FBLN1: variants seen among roughly 807,000 people sequenced by gnomAD.
FBLN1 encodes fibulin-1.
Under a neutral mutation model 89.7 loss-of-function variants are expected in FBLN1, and 34 were observed. That is an observed-to-expected ratio of 0.38 (90% confidence interval 0.29 to 0.50). The LOEUF is 0.50. Among genes scored for constraint, FBLN1 ranks in the 20% least tolerant of loss-of-function variants. The pLI, the probability that FBLN1 is intolerant of heterozygous loss-of-function variation, is 0.92. For synonymous variants in FBLN1, 393 were observed against 391.3 expected (o/e 1.00, Z -0.05); for missense variants, 777 against 988.1 (o/e 0.79, Z 2.86).
intron 1 of FBLN1, among the ~76,000 whole-genome samples, chr22:45,507,720 G>A (rs2088041696): frequency 6.6e-6 from 1 of 152,110 alleles, no homozygotes; most frequent in African/African-American, 2.4e-5. Context: ...TAGAGATGTA[G>A]TTTCACCATG....
At chr22:45,600,183 A>G in intron 16 of FBLN1, 124 bp from the exon 17 acceptor site, 1 of 1,139,790 alleles carries the variant, frequency 8.8e-7, no homozygotes, top group Non-Finnish European at 1.3e-6. Context: ...CTGGCGTAGG[A>G]TGGGACTCCA....
chr22:45,505,178 G>C (rs1355956515), intron 1 of FBLN1, among the ~76,000 whole-genome samples: 1 of 152,264 alleles, frequency 6.6e-6, no homozygotes, highest in African/African-American at 2.4e-5. Flanking sequence ...GGGCTTTACT[G>C]AGAGCTGGGT....
chr22:45,572,706 C>A lies in FBLN1; in HGVS notation c.1698-1805C>A, dbSNP rs2088961469. On this transcript the variant is annotated intron_variant, in intron 14 of 16. Transcript: ENST00000327858. The surrounding 1 kb of genome is among the most constrained non-coding windows in gnomAD (Gnocchi z 5.8). ...GTAGATGCTGTCCTCACAGAGACAG[C>A]CAGTCACTGTGTGGCTCTCACTGAA... Among the ~76,000 whole-genome samples, 1 of 152,222 alleles carries A rather than the reference C, an allele frequency of 6.6e-6. No individual in the cohort carries two copies.
rs906531885 is a variant in FBLN1, at chr22:45,579,519, G to C, written c.1972+2411G>C. 1.3e-5 allele frequency among the ~76,000 whole-genome samples: 2 copies of C among 152,254 alleles called. No homozygotes were observed. The highest frequency in any genetic ancestry group is 2.9e-5 in the Non-Finnish European group (2 of 68,042). On this transcript the variant is annotated intron_variant, in intron 16 of 16. Coordinates refer to ENST00000327858, the MANE Select transcript of FBLN1 (RefSeq NM_006486.3). The surrounding 1 kb of genome is among the most constrained non-coding windows in gnomAD (Gnocchi z 5.5). ...CTTTGGAATTCTGGGCTGGGGCTGC[G>C]TGGGGGAGGGCCCCAGCCTGGCCCT...
Position 45,577,233 on chromosome 22 carries a change from GC to G in FBLN1, c.1972+128del. The G allele has an allele frequency of 9.0e-7, 1 of 1,113,768 alleles. No individual in the cohort carries two copies. The highest frequency in any genetic ancestry group is 1.3e-6 in the Non-Finnish European group (1 of 758,354). 69.0% of individuals were successfully genotyped at this position (1,113,768 alleles called of 1,614,324 possible). On this transcript the variant is annotated intron_variant, in intron 16 of 16. Coordinates refer to ENST00000327858, the MANE Select transcript of FBLN1 (RefSeq NM_006486.3). The surrounding 1 kb of genome is among the most constrained non-coding windows in gnomAD (Gnocchi z 6.6). ...AATTCAAGCCCACCCAACCTTCAGG[GC>G]CCAGCGCCGAGGCCACCACAGCTCC...
chr22:45,565,008 T>C, intron 14 of FBLN1: 1 of 1,613,358 alleles, frequency 6.2e-7, no homozygotes, highest in South Asian at 1.1e-5. Context: ...AAGATGGACC[T>C]GGACAGACAG....
chr22:45,547,356 G>A (rs942106591), intron 12 of FBLN1, 152 bp downstream of exon 12: 16 of 925,582 alleles, frequency 1.7e-5, no homozygotes, highest in South Asian at 4.4e-5. Context: ...GGAGGCAAGC[G>A]GGTGGTTTGC....
intron 9 of FBLN1, 99 bp downstream of exon 9, chr22:45,541,471 G>T: frequency 6.8e-7 from 1 of 1,477,628 alleles, no homozygotes. Context: ...CCAAAGCAAA[G>T]CCATTTCTAT....
intron 14 of FBLN1, among the ~76,000 whole-genome samples, chr22:45,554,123 CGTCT>C (rs1438204668): frequency 6.6e-5 from 10 of 152,238 alleles, no homozygotes; most frequent in Non-Finnish European, 1.2e-4. Flanking sequence ...CCTCAATGGG[CGTCT>C]GTCTTCCAGC....
intron 16 of FBLN1, among the ~76,000 whole-genome samples, chr22:45,592,768 T>C (rs2089149850): frequency 6.6e-6 from 1 of 152,240 alleles, no homozygotes; most frequent in Non-Finnish European, 1.5e-5. Context: ...GTGCTTGTGA[T>C]GGGCAAGCCT....
In FBLN1 at chr22:45,566,533, C is replaced by T. The variant is rs114059888; in HGVS notation, c.1698-7978C>T. On this transcript the variant is annotated intron_variant, in intron 14 of 16. Transcript: ENST00000327858. ...TAAGAGCAGGAGGTTGAATTTCCTT[C>T]TTGCCATTTACTAGTTCTGTGACCC... Among the ~76,000 whole-genome samples, 931 of 152,338 alleles carry T rather than the reference C, an allele frequency of 6.1e-3. 10 individuals carry two copies. Among genetic ancestry groups the T allele is most frequent in the African/African-American group, 0.021 (867 of 41,582 alleles).
chr22:45,531,284 G>A lies in FBLN1; in HGVS notation c.504G>A (p.Glu168=). ...LQETDKIIEV[E]EEQEDPYLND... The stretch of plus-strand genomic sequence containing the variant: ...CCTTAGATAAGATCATTGAGGTTGA[G>A]GAGGAACAAGAGGACCCATATCTGA... The change falls in exon 5 of 17, where the codon GAG becomes GAA. Residue 168 remains glutamate, a synonymous_variant. Coordinates refer to ENST00000327858, the MANE Select transcript of FBLN1 (RefSeq NM_006486.3). The surrounding 1 kb of genome is among the most constrained non-coding windows in gnomAD (Gnocchi z 4.9). 1.2e-6 allele frequency: 2 copies of A among 1,614,018 alleles called. No homozygotes were observed. The highest frequency in any genetic ancestry group is 1.7e-6 in the Non-Finnish European group (2 of 1,179,918).
Position 45,542,353 on chromosome 22 carries a change from C to A in FBLN1, c.1195+70C>A, listed in dbSNP as rs544219446. 5.7e-6 allele frequency: 9 copies of A among 1,590,148 alleles called. No individual in the cohort carries two copies. The South Asian group carries it at 6.6e-5, about 12-fold the overall frequency. ...GCACCAGGGACACATTTCTGTGGCA[C>A]CTCGAGTGATGTGGTCTGATCCTCA... On this transcript the variant is annotated intron_variant, in intron 10 of 16. Transcript: ENST00000327858.
intron 16 of FBLN1, among the ~76,000 whole-genome samples, chr22:45,586,616 A>G (rs2089088348): frequency 6.6e-6 from 1 of 152,140 alleles, no homozygotes; most frequent in Admixed American, 6.5e-5. Context: ...GCATCTGAAA[A>G]TTTCCATCTC....
In FBLN1 at chr22:45,533,899, G is replaced by A. The variant is rs113737102; in HGVS notation, c.784+1G>A. 1 of 1,613,990 alleles carries A rather than the reference G, an allele frequency of 6.2e-7. No individual in the cohort carries two copies. The highest frequency in any genetic ancestry group is 8.5e-7 in the Non-Finnish European group (1 of 1,179,984). On this transcript the variant is annotated splice_donor_variant, in intron 7 of 16. Coordinates refer to ENST00000327858, the MANE Select transcript of FBLN1 (RefSeq NM_006486.3). LOFTEE classifies it high-confidence loss of function. ...CTCACAGAGGACAATAGCTGCAAAGGTACAGCATGCGCTCCGAGTCTGCAA... is the reference window on the plus strand; with the variant it reads ...CTCACAGAGGACAATAGCTGCAAAGATACAGCATGCGCTCCGAGTCTGCAA...
chr22:45,548,845 A>AG (rs1377835825), intron 13 of FBLN1, 101 bp downstream of exon 13: 1 of 1,548,716 alleles, frequency 6.5e-7, no homozygotes, highest in Non-Finnish European at 8.7e-7. Flanking sequence ...CCCCAACCCA[A>AG]GGGCCACAGC....
At chr22:45,528,451 T>C (rs990364256) in intron 4 of FBLN1, among the ~76,000 whole-genome samples, 7 of 152,080 alleles carry the variant, frequency 4.6e-5, no homozygotes, top group African/African-American at 1.4e-4. Context: ...TTCAAGTGAT[T>C]CTTGTGCCTC....
intron 14 of FBLN1, among the ~76,000 whole-genome samples, chr22:45,555,512 A>G (rs2088777346): frequency 6.6e-6 from 1 of 152,020 alleles, no homozygotes; most frequent in Non-Finnish European, 1.5e-5. Flanking sequence ...CTCTCTTTTC[A>G]CGTTTTTCTG....
intron 16 of FBLN1, among the ~76,000 whole-genome samples, chr22:45,593,323 C>G (rs955076959): frequency 6.6e-6 from 1 of 152,160 alleles, no homozygotes; most frequent in South Asian, 2.1e-4. Context: ...CCGAGCACTT[C>G]GTGTTCAGGA....
Sources: allele counts gnomAD v4.1 joint callset (sites outside exome capture counted in the v4.1 genomes callset), GRCh38; gene constraint gnomAD v4.1.1; non-coding constraint Gnocchi (gnomAD v3.1); transcripts MANE v1.5; gene names NCBI Gene and HGNC (gene_info 2026-07-23, HGNC 2026-07-21).